The following DYTN variants were observed in gnomAD, a reference collection of about 807,000 sequenced individuals.
DYTN encodes dystrotelin.
DYTN carries 75 observed loss-of-function variants against 69.6 expected under a neutral mutation model. The ratio of observed to expected loss-of-function variants is 1.08; its 90% CI spans 0.89 to 1.31. DYTN has a LOEUF of 1.31. DYTN is among the 50% of genes most tolerant of loss of function. The probability of loss-of-function intolerance (pLI) is 0.00; values close to 1 mark genes in which losing one functional copy is unlikely to be tolerated. For synonymous variants in DYTN, 252 were observed against 249.1 expected (o/e 1.01, Z -0.11); for missense variants, 726 against 688.4 (o/e 1.05, Z -0.61).
At chr2:206,685,472 A>G (rs1699796387) in intron 9 of DYTN, among the ~76,000 whole-genome samples, 1 of 152,100 alleles carries the variant, frequency 6.6e-6, no homozygotes, top group Non-Finnish European at 1.5e-5. Flanking sequence ...CACATAGCTT[A>G]TTTTTGAGAA....
At chr2:206,684,449 T>C (rs552710829) in intron 9 of DYTN, among the ~76,000 whole-genome samples, 1 of 152,164 alleles carries the variant, frequency 6.6e-6, no homozygotes, top group African/African-American at 2.4e-5. Context: ...AGGCCACAGG[T>C]GCACACCACC....
At position 206,663,292 on chromosome 2, in the gene DYTN, A is replaced by T. The variant is rs754421665; in HGVS notation, c.1244T>A (p.Leu415Ter). ...ATCTTCAGTGGCATTCTTGATCTGC[A>T]AATAATCCCCTCCCTTTGGAACCTT... Reference protein sequence around the residue: ...TEKVPKGGDYLQIKNATEDAS... With the variant: ...TEKVPKGGDY The change falls in exon 11 of 12, where the codon TTG (leucine) becomes TAG (stop). Residue 415 changes from leucine (L) to a stop codon, truncating the protein, a stop_gained. Transcript: ENST00000452335. LOFTEE classifies it high-confidence loss of function. 23 of 1,613,898 alleles carry T rather than the reference A, an allele frequency of 1.4e-5. No homozygotes were observed. The East Asian group carries it at 4.5e-4, about 31-fold the overall frequency.
intron 10 of DYTN, among the ~76,000 whole-genome samples, chr2:206,663,857 A>G (rs1699540198): frequency 6.6e-6 from 1 of 152,232 alleles, no homozygotes; most frequent in African/African-American, 2.4e-5. Flanking sequence ...TGTGTGGCCC[A>G]CAGACCCTAG....
At position 206,700,243 on chromosome 2, in the gene DYTN, G is replaced by A. The variant is rs769210778; in HGVS notation, c.484-27C>T. On this transcript the variant is annotated intron_variant, in intron 5 of 11. Coordinates refer to ENST00000452335, the MANE Select transcript of DYTN (RefSeq NM_001093730.1). ...TGCAAGAGACAACCTCATCTTAGCT[G>A]TTAGAAAGTGGAGAAATATGTCGTC... The A allele has an allele frequency of 3.1e-6, 5 of 1,612,370 alleles. No homozygotes were observed. The South Asian group carries it at 5.5e-5, about 18-fold the overall frequency.
At chr2:206,699,242 T>G (rs188162913) in intron 7 of DYTN, among the ~76,000 whole-genome samples, 30 of 152,290 alleles carry the variant, frequency 2.0e-4, no homozygotes, top group Non-Finnish European at 4.4e-5. Context: ...GAGACCAGTG[T>G]GGGCAACACA....
At chr2:206,674,517 A>G (rs1699661980) in intron 9 of DYTN, among the ~76,000 whole-genome samples, 1 of 152,074 alleles carries the variant, frequency 6.6e-6, no homozygotes, top group African/African-American at 2.4e-5. Flanking sequence ...GAAATAAATA[A>G]TTTCTATGTT....
chr2:206,665,248 C>T (rs1699557431), intron 10 of DYTN, among the ~76,000 whole-genome samples: 2 of 152,072 alleles, frequency 1.3e-5, no homozygotes, highest in Admixed American at 1.3e-4. Flanking sequence ...AGAGCAATGC[C>T]ACTCTTCTAA....
rs539149514 is a variant in DYTN, at chr2:206,709,417, C to T, written c.94+1107G>A. On this transcript the variant is annotated intron_variant, in intron 2 of 11. Coordinates refer to ENST00000452335, the MANE Select transcript of DYTN (RefSeq NM_001093730.1). Reference sequence around the variant, plus strand: ...TGAGCTGAGATCCCTCCACTGCACTCCAGCCTGGGTGACAGAGTGAGACCC... The same window carrying T: ...TGAGCTGAGATCCCTCCACTGCACTTCAGCCTGGGTGACAGAGTGAGACCC... 1.1e-4 allele frequency among the ~76,000 whole-genome samples: 16 copies of T among 152,122 alleles called. No homozygotes were observed. In the East Asian group the frequency reaches 2.5e-3, roughly 24 times the overall value.
intron 9 of DYTN, among the ~76,000 whole-genome samples, chr2:206,667,980 A>T (rs1229290364): frequency 3.9e-5 from 6 of 152,132 alleles, no homozygotes; most frequent in Admixed American, 2.0e-4. Context: ...GCATCTCTGA[A>T]AGATAGCCCT....
intron 2 of DYTN, among the ~76,000 whole-genome samples, chr2:206,708,452 T>A (rs80147182): frequency 6.6e-6 from 1 of 152,172 alleles, no homozygotes; most frequent in Non-Finnish European, 1.5e-5. Context: ...ATAATAAAAA[T>A]TTTTATTTGT....
intron 9 of DYTN, among the ~76,000 whole-genome samples, chr2:206,685,589 T>G (rs1699797067): frequency 6.6e-6 from 1 of 152,086 alleles, no homozygotes; most frequent in African/African-American, 2.4e-5. Flanking sequence ...GAGGAAACAC[T>G]GGCTTCAGGT....
At chr2:206,664,544 C>T (rs1457691139) in intron 10 of DYTN, among the ~76,000 whole-genome samples, 2 of 152,034 alleles carry the variant, frequency 1.3e-5, no homozygotes, top group Non-Finnish European at 2.9e-5. Context: ...GCCTGAGATC[C>T]TAGCTAGCCA....
chr2:206,709,175 C>T (rs528056440), intron 2 of DYTN, among the ~76,000 whole-genome samples: 3 of 152,206 alleles, frequency 2.0e-5, no homozygotes, highest in South Asian at 2.1e-4. Flanking sequence ...AGGCCAGGCG[C>T]GGTGGCTGAT....
chr2:206,671,179 A>T (rs573259262), intron 9 of DYTN, among the ~76,000 whole-genome samples: 1 of 152,062 alleles, frequency 6.6e-6, no homozygotes, highest in Non-Finnish European at 1.5e-5. Context: ...GCTCCCACAC[A>T]TCGGAATGAA....
chr2:206,700,304 G>T, intron 5 of DYTN, 88 bp from the exon 6 acceptor site: 1 of 1,414,816 alleles, frequency 7.1e-7, no homozygotes, highest in Non-Finnish European at 1.0e-6. Flanking sequence ...GGTGCCCACG[G>T]CTGTGTAGTC....
At chr2:206,716,973 G>A (rs2105904450) in intron 1 of DYTN, among the ~76,000 whole-genome samples, 1 of 151,776 alleles carries the variant, frequency 6.6e-6, no homozygotes, top group South Asian at 2.1e-4. Context: ...AATGAATGAG[G>A]AGCCCAGGTG....
intron 2 of DYTN, among the ~76,000 whole-genome samples, chr2:206,709,213 C>T (rs1700055590): frequency 6.6e-6 from 1 of 151,948 alleles, no homozygotes; most frequent in Non-Finnish European, 1.5e-5. Context: ...TTTGGGAGGC[C>T]ACTGTGGGCA....
At chr2:206,710,483 G>A in intron 2 of DYTN, 41 bp downstream of exon 2, 2 of 1,562,592 alleles carry the variant, frequency 1.3e-6, no homozygotes, top group Non-Finnish European at 1.7e-6. Context: ...CGCACATCAA[G>A]CTCAGATTAT....
chr2:206,699,458 A>G (rs1699953138), intron 7 of DYTN, among the ~76,000 whole-genome samples: 1 of 152,172 alleles, frequency 6.6e-6, no homozygotes, highest in South Asian at 2.1e-4. Context: ...AACAAAACAA[A>G]GACAAAATGT....
Sources: gnomAD v4.1 joint callset for allele counts (sites outside exome capture counted in the v4.1 genomes callset) on GRCh38, gnomAD v4.1.1 for gene constraint, MANE v1.5 for transcripts, NCBI Gene and HGNC (gene_info 2026-07-23, HGNC 2026-07-21) for gene names.